The following CARMIL2 variants were observed in gnomAD, a reference collection of about 807,000 sequenced individuals.
CARMIL2 encodes the protein capping protein regulator and myosin 1 linker 2, also known as capping protein, Arp2/3 and myosin-I linker protein 2.
CARMIL2 carries 96 observed loss-of-function variants against 173.3 expected under a neutral mutation model. The ratio of observed to expected loss-of-function variants is 0.55; its 90% CI spans 0.47 to 0.66. The LOEUF (loss-of-function observed/expected upper bound fraction) is 0.66. Ranked by LOEUF, CARMIL2 falls within the 30% of genes least tolerant of loss-of-function variation. CARMIL2 has a pLI of 0.00. For synonymous variants in CARMIL2, 830 were observed against 817.1 expected, an observed-to-expected ratio of 1.02 and a Z score of -0.27; for missense variants, 1,771 against 1,906.7, an observed-to-expected ratio of 0.93 and a Z score of 1.33.
chr16:67,656,158 G>A (rs780606471), intron 33 of CARMIL2, 70 bp from the exon 34 acceptor site: 5 of 1,610,734 alleles, frequency 3.1e-6, no homozygotes, highest in East Asian at 2.2e-5. Flanking sequence ...GGGGAGGAAG[G>A]GGAGAGGCCA....
In CARMIL2 at chr16:67,652,346, G is replaced by T. The variant is rs772319428; in HGVS notation, c.2817+7G>T. ...GGAAGAGGAGAAGGAGAAGGTAAGT[G>T]GTTTTAGAACACGGGGCATGGCACT... On this transcript the variant is annotated splice_region_variant and intron_variant, in intron 27 of 37. Coordinates refer to ENST00000334583, the MANE Select transcript of CARMIL2 (RefSeq NM_001013838.3). This position sits in a 1 kb window ranked among gnomAD's most constrained non-coding sequence, Gnocchi z 4.7. The T allele has an allele frequency of 1.2e-6, 2 of 1,613,080 alleles. No individual in the cohort carries two copies. The highest frequency in any genetic ancestry group is 2.7e-5 in the African/African-American group (2 of 74,914).
At position 67,647,128 on chromosome 16, in the gene CARMIL2, G is replaced by A. The variant is rs372469441; in HGVS notation, c.624G>A (p.Leu208=). Residue 208 remains leucine (L), a synonymous_variant, in exon 9 of 38, where the codon TTG becomes TTA. Coordinates refer to ENST00000334583, the MANE Select transcript of CARMIL2 (RefSeq NM_001013838.3). ...ACCCTCCCACCAGGGACCTGGCCTT[G>A]AGTGTGGCTGCCCTGTCCTACAACC... ...FSHLGSRDLA[L]SVAALSYNLW... is the part of the protein sequence containing the mutation. The A allele has an allele frequency of 1.2e-6, 2 of 1,613,748 alleles. No individual in the cohort carries two copies. The highest frequency in any genetic ancestry group is 2.7e-5 in the African/African-American group (2 of 74,948).
rs1286623075 is a variant in CARMIL2 at position 67,654,409 on chromosome 16, C to T, written c.3299C>T (p.Thr1100Ile). 34 of 1,610,604 alleles carry T rather than the reference C, an allele frequency of 2.1e-5. No individual in the cohort carries two copies. The highest frequency in any genetic ancestry group is 2.8e-5 in the Non-Finnish European group (33 of 1,178,832). The change falls in exon 31 of 38, where the codon ACC becomes ATC. Residue 1100 changes from threonine to isoleucine, a missense_variant. By Grantham distance (89) the Thr-to-Ile change is moderately conservative. Coordinates refer to ENST00000334583, the MANE Select transcript of CARMIL2 (RefSeq NM_001013838.3). ...VPRTLRKKLG[T>I]LFAFKKPRST... is the part of the protein sequence containing the mutation. ...CGTACACTGCGAAAGAAGCTGGGCACCCTCTTTGCCTTCAAGAAGCCTCGT... is the reference window on the plus strand; with the variant it reads ...CGTACACTGCGAAAGAAGCTGGGCATCCTCTTTGCCTTCAAGAAGCCTCGT...
chr16:67,649,805 G>C lies in CARMIL2; in HGVS notation c.1920-1G>C. 1 of 1,610,802 alleles carries C rather than the reference G, an allele frequency of 6.2e-7. No individual in the cohort carries two copies. Among genetic ancestry groups the C allele is most frequent in the Non-Finnish European group, 8.5e-7 (1 of 1,178,582 alleles). On this transcript the variant is annotated splice_acceptor_variant, in intron 20 of 37. Coordinates refer to ENST00000334583, the MANE Select transcript of CARMIL2 (RefSeq NM_001013838.3). LOFTEE classifies it high-confidence loss of function. The surrounding 1 kb of genome is among the most constrained non-coding windows in gnomAD (Gnocchi z 6.7). ...CCCGACTGAAGCCAGGCCCGGCCCA[G>C]GTCTGTGGTCTGGGACCGGAACCAC... is the stretch of plus-strand genomic sequence containing the variant.
At position 67,648,307 on chromosome 16, in the gene CARMIL2, T is replaced by C. The variant is rs1215120586; in HGVS notation, c.1327T>C (p.Ser443Pro). 1 of 1,589,080 alleles carries C rather than the reference T, an allele frequency of 6.3e-7. No individual in the cohort carries two copies. Among genetic ancestry groups the C allele is most frequent in the Admixed American group, 1.7e-5 (1 of 58,646 alleles). ...CCTCGACGCTTCGAGGAACGTCTTC[T>C]CCCGCACGTAAGGGGGACCTGTCGG... ...THLDASRNVF[S>P]RTKSRAAPAA... Residue 443 changes from serine to proline, a missense_variant, in exon 14 of 38, where the codon TCC (serine) becomes CCC (proline). Physicochemically the swap from Ser to Pro is moderately conservative, Grantham distance 74. This residue lies in a region of CARMIL2 where 944 missense variants were observed against 975.6 expected (regional missense o/e 0.97). Coordinates refer to ENST00000334583, the MANE Select transcript of CARMIL2 (RefSeq NM_001013838.3). The surrounding 1 kb of genome is among the most constrained non-coding windows in gnomAD (Gnocchi z 6.1).
chr16:67,656,519 G>C lies in CARMIL2; in HGVS notation c.3910G>C (p.Gly1304Arg), dbSNP rs200061538. ...GTTGAATGCGGAGCTCAGGAGCCGT[G>C]GTTGGGGCCAACAGGATGGTCCAGG... ...QQLNAELRSR[G>R]WGQQDGPGPP... The change falls in exon 35 of 38, where the codon GGT (glycine) becomes CGT (arginine). Residue 1304 changes from glycine to arginine, a missense_variant. Gly to Arg is a moderately radical substitution (Grantham distance 125). This residue lies in a region of CARMIL2 where 817 missense variants were observed against 903.5 expected (regional missense o/e 0.90). Coordinates refer to ENST00000334583, the MANE Select transcript of CARMIL2 (RefSeq NM_001013838.3). The C allele has an allele frequency of 1.1e-4, 185 of 1,613,482 alleles. No individual in the cohort carries two copies. The highest frequency in any genetic ancestry group is 1.5e-4 in the Non-Finnish European group (175 of 1,179,848).
intron 32 of CARMIL2, 37 bp from the exon 33 acceptor site, chr16:67,655,994 G>A (rs766966263): frequency 8.3e-6 from 13 of 1,565,430 alleles, no homozygotes; most frequent in South Asian, 2.4e-5. Flanking sequence ...TGTGGGGAGC[G>A]GGCAGGGCTG....
At position 67,646,414 on chromosome 16, in the gene CARMIL2, A is replaced by AC; in HGVS notation, c.375-7dup. ...GAAGTCCTTTGCCCCCTTCTCCTTAACCCCCTACCAGGAAGCTATTCCGGA... is the reference window on the plus strand; with the variant it reads ...GAAGTCCTTTGCCCCCTTCTCCTTAACCCCCCTACCAGGAAGCTATTCCGGA... On this transcript the variant is annotated splice_polypyrimidine_tract_variant and intron_variant, in intron 5 of 37. Transcript: ENST00000334583. This position sits in a 1 kb window ranked among gnomAD's most constrained non-coding sequence, Gnocchi z 4.6. 1 of 1,612,430 alleles carries AC rather than the reference A, an allele frequency of 6.2e-7. No individual in the cohort carries two copies. The highest frequency in any genetic ancestry group is 8.5e-7 in the Non-Finnish European group (1 of 1,179,188).
rs560863939 is a variant in CARMIL2, at chr16:67,651,125, G to T, written c.2185-62G>T. On this transcript the variant is annotated intron_variant, in intron 22 of 37. Transcript: ENST00000334583. This position sits in a 1 kb window ranked among gnomAD's most constrained non-coding sequence, Gnocchi z 4.2. ...CTCTGTTAAAGAGCCTGGGAGGAAG[G>T]CAGGCAGGATCTGGGAGACTGGGAG... 10 of 1,564,308 alleles carry T rather than the reference G, an allele frequency of 6.4e-6. No homozygotes were observed. The South Asian group carries it at 1.2e-4, about 18-fold the overall frequency.
rs2052576638 is a variant in CARMIL2, at chr16:67,645,525, G to A, written c.41-15G>A. 2 of 1,581,628 alleles carry A rather than the reference G, an allele frequency of 1.3e-6. No individual in the cohort carries two copies. Among genetic ancestry groups the A allele is most frequent in the Non-Finnish European group, 1.7e-6 (2 of 1,163,720 alleles). ...TGCAAGGACTGAAGTCACCCAGCAG[G>A]CTGCCCTTCCACAGGCGAGATCACC... On this transcript the variant is annotated splice_polypyrimidine_tract_variant and intron_variant, in intron 1 of 37. Coordinates refer to ENST00000334583, the MANE Select transcript of CARMIL2 (RefSeq NM_001013838.3).
At position 67,648,516 on chromosome 16, in the gene CARMIL2, C is replaced by T. The variant is rs1251252982; in HGVS notation, c.1439+14C>T. ...CGACGCGCTCAGGTCAGTGTCGGAC[C>T]CCGGCCACGCCCCCGCGGGCGCTCC... is the stretch of plus-strand genomic sequence containing the variant. On this transcript the variant is annotated intron_variant, in intron 15 of 37. Coordinates refer to ENST00000334583, the MANE Select transcript of CARMIL2 (RefSeq NM_001013838.3). The surrounding 1 kb of genome is among the most constrained non-coding windows in gnomAD (Gnocchi z 6.1). The T allele has an allele frequency of 2.1e-5, 30 of 1,461,656 alleles. No homozygotes were observed. Among genetic ancestry groups the T allele is most frequent in the Non-Finnish European group, 2.6e-5 (29 of 1,103,768 alleles). The allele number at this position is 1,461,656 out of a possible 1,614,324, so 90.5% of individuals were successfully genotyped here. A position where few individuals can be genotyped will look rare whatever the true frequency, so the allele number is the denominator to read the frequency against.
chr16:67,654,094 G>T (rs952916011), intron 29 of CARMIL2, 55 bp from the exon 30 acceptor site: 121 of 1,007,158 alleles, frequency 1.2e-4, no homozygotes, highest in Admixed American at 1.8e-4. Context: ...GGGGGGGGGG[G>T]GTAGAAGCCA....
chr16:67,646,117 G>A lies in CARMIL2; in HGVS notation c.249+37G>A. On this transcript the variant is annotated intron_variant, in intron 4 of 37. Transcript: ENST00000334583. The surrounding 1 kb of genome is among the most constrained non-coding windows in gnomAD (Gnocchi z 4.6). Reference sequence around the variant, plus strand: ...AGTACCCTACCTGGGCCTGCAGCCTGGTCTTCATGCTACCACCATCACCTG... The same window carrying A: ...AGTACCCTACCTGGGCCTGCAGCCTAGTCTTCATGCTACCACCATCACCTG... The A allele has an allele frequency of 6.2e-7, 1 of 1,613,814 alleles. No individual in the cohort carries two copies.
At chr16:67,647,653 C>A (rs1320189245) in intron 11 of CARMIL2, 27 bp from the exon 12 acceptor site, 4 of 1,599,654 alleles carry the variant, frequency 2.5e-6, no homozygotes, top group Non-Finnish European at 2.6e-6. Context: ...GGAGGTGAGA[C>A]CCACGTGGCT....
chr16:67,657,150 T>C lies in CARMIL2; in HGVS notation c.4118-89T>C, dbSNP rs1477743707. 3.4e-6 allele frequency: 4 copies of C among 1,169,304 alleles called. No individual in the cohort carries two copies. In the African/African-American group the frequency reaches 6.1e-5, roughly 18 times the overall value. 72.4% of individuals were successfully genotyped at this position (1,169,304 alleles called of 1,614,324 possible). On this transcript the variant is annotated intron_variant, in intron 36 of 37. Transcript: ENST00000334583. The surrounding 1 kb of genome is among the most constrained non-coding windows in gnomAD (Gnocchi z 4.5). Reference sequence around the variant, plus strand: ...GGCAGCAGTGTGTGTGAGTGCATGCTTATGTGCACTGGAGGTGGAAGAGAG... The same window carrying C: ...GGCAGCAGTGTGTGTGAGTGCATGCCTATGTGCACTGGAGGTGGAAGAGAG...
In CARMIL2 at chr16:67,650,109, C is replaced by A. The variant is rs201841470; in HGVS notation, c.2143C>A (p.Arg715Ser). 4.5e-5 allele frequency: 72 copies of A among 1,613,520 alleles called. No homozygotes were observed. In the Middle Eastern group the frequency reaches 2.5e-3, roughly 55 times the overall value. Residue 715 changes from arginine to serine, a missense_variant, in exon 22 of 38, where the codon CGC becomes AGC. Transcript: ENST00000334583. ...ADPASSDHTTRLQPLGLVSDP... is the reference protein window; with the variant it reads ...ADPASSDHTTSLQPLGLVSDP... ...CCCTGCCTCTTCTGACCACACGACCCGCCTTCAGCCACTTGGTCTGGTCTC... is the reference window on the plus strand; with the variant it reads ...CCCTGCCTCTTCTGACCACACGACCAGCCTTCAGCCACTTGGTCTGGTCTC...
intron 35 of CARMIL2, 44 bp downstream of exon 35, chr16:67,656,689 C>A: frequency 6.4e-7 from 1 of 1,572,392 alleles, no homozygotes; most frequent in South Asian, 1.1e-5. Context: ...GGCCTCGGGG[C>A]TGGAGGAGTT....
intron 22 of CARMIL2, chr16:67,650,888 T>G: frequency 6.0e-6 from 2 of 332,304 alleles, no homozygotes; most frequent in Non-Finnish European, 5.6e-6. Flanking sequence ...CTCACTCCCT[T>G]TTCTACCCCT....
chr16:67,649,177 G>A lies in CARMIL2; in HGVS notation c.1688+5G>A, dbSNP rs2052665067. 6.2e-7 allele frequency: 1 copy of A among 1,613,166 alleles called. No individual in the cohort carries two copies. On this transcript the variant is annotated splice_donor_5th_base_variant and intron_variant, in intron 18 of 37. Transcript: ENST00000334583. This position sits in a 1 kb window ranked among gnomAD's most constrained non-coding sequence, Gnocchi z 6.7. ...GAACTTCAACGTCCGGTGCAAGTGA[G>A]CCCCCACCCTACTCCTGGGCCTCCC...
Sources: allele counts gnomAD v4.1 joint callset, GRCh38; gene constraint gnomAD v4.1.1; regional missense constraint gnomAD v4.1.1; non-coding constraint Gnocchi (gnomAD v3.1); transcripts MANE v1.5; gene names NCBI Gene and HGNC (gene_info 2026-07-23, HGNC 2026-07-21).